The following RASEF variants were observed in gnomAD, a reference collection of about 807,000 sequenced individuals.
RASEF encodes the protein ras and EF-hand domain-containing protein.
A neutral mutation model predicts 90.1 loss-of-function variants in RASEF; 68 were observed. The observed-to-expected ratio is 0.75, with a 90% CI of 0.62 to 0.92. The LOEUF (loss-of-function observed/expected upper bound fraction) is 0.92. Among genes scored for constraint, RASEF ranks in the 40% least tolerant of loss-of-function variants. RASEF has a pLI of 0.00. For missense variants in RASEF, 949 were observed against 937.2 expected (o/e 1.01, Z -0.16); for synonymous variants, 331 against 345.2 (o/e 0.96, Z 0.46).
intron 16 of RASEF, among the ~76,000 whole-genome samples, chr9:82,986,472 A>T (rs978759665): frequency 6.6e-6 from 1 of 152,268 alleles, no homozygotes; most frequent in Non-Finnish European, 1.5e-5. Context: ...AGTGCCAATA[A>T]TGCAGACATT....
At chr9:83,217,841 G>T in the RASEF span, among the ~76,000 whole-genome samples, 1 of 152,224 alleles carries the variant, frequency 6.6e-6, no homozygotes, top group East Asian at 1.9e-4. Context: ...TCACGGTACA[G>T]GAATAAAGGG....
the RASEF span, among the ~76,000 whole-genome samples, chr9:83,188,934 CA>C: frequency 6.6e-6 from 1 of 152,182 alleles, no homozygotes; most frequent in Non-Finnish European, 1.5e-5. Context: ...AGACCCCAGC[CA>C]CAGTTCTGTG....
chr9:83,108,231 T>C, the RASEF span, among the ~76,000 whole-genome samples: 1 of 152,170 alleles, frequency 6.6e-6, no homozygotes, highest in African/African-American at 2.4e-5. Flanking sequence ...TTGTGAATTA[T>C]ACCTCAATAA....
the RASEF span, among the ~76,000 whole-genome samples, chr9:83,185,021 G>A: frequency 6.6e-6 from 1 of 152,080 alleles, no homozygotes; most frequent in Non-Finnish European, 1.5e-5. Flanking sequence ...GGTGGGGCCA[G>A]AAATCTGTTT....
the RASEF span, among the ~76,000 whole-genome samples, chr9:83,157,763 T>C: frequency 6.6e-6 from 1 of 152,206 alleles, no homozygotes; most frequent in Non-Finnish European, 1.5e-5. Context: ...AAGCACATAT[T>C]TGATAAAAAC....
At chr9:83,058,172 C>CTTTTT (rs555842009) in intron 1 of RASEF, among the ~76,000 whole-genome samples, 16 of 57,898 alleles carry the variant, frequency 2.8e-4, no homozygotes, top group Non-Finnish European at 3.3e-4. Flanking sequence ...GTATTTATGT[C>CTTTTT]TTTTTTTTTT....
the RASEF span, among the ~76,000 whole-genome samples, chr9:83,149,699 A>C: frequency 1.8e-4 from 28 of 152,310 alleles, no homozygotes; most frequent in Non-Finnish European, 2.8e-4. Flanking sequence ...TGAAGCTGCA[A>C]CACTGCACCA....
At chr9:83,145,022 G>T in the RASEF span, among the ~76,000 whole-genome samples, 1 of 152,034 alleles carries the variant, frequency 6.6e-6, no homozygotes, top group African/African-American at 2.4e-5. Context: ...ATGTTTCTAG[G>T]ATTAGTCCAT....
chr9:83,130,265 G>A, the RASEF span, among the ~76,000 whole-genome samples: 2 of 152,140 alleles, frequency 1.3e-5, no homozygotes, highest in Admixed American at 1.3e-4. Flanking sequence ...TCTTTTTAGA[G>A]CTGTTTTAGT....
chr9:83,004,616 T>C, intron 8 of RASEF, 30 bp from the exon 9 acceptor site: 1 of 1,358,464 alleles, frequency 7.4e-7, no homozygotes, highest in Non-Finnish European at 1.1e-6. Context: ...ATTTGTTAGT[T>C]CATGTAATTT....
At chr9:83,159,354 A>C in the RASEF span, among the ~76,000 whole-genome samples, 2 of 152,182 alleles carry the variant, frequency 1.3e-5, no homozygotes, top group African/African-American at 2.4e-5. Context: ...AAGTCCCCTA[A>C]GTTTTGGTTT....
At chr9:83,074,553 G>A in the RASEF span, among the ~76,000 whole-genome samples, 1 of 152,080 alleles carries the variant, frequency 6.6e-6, no homozygotes, top group East Asian at 1.9e-4. Flanking sequence ...TGGTTTTTAT[G>A]TTTAAAAAAA....
At chr9:83,076,354 G>C in the RASEF span, among the ~76,000 whole-genome samples, 1 of 151,490 alleles carries the variant, frequency 6.6e-6, no homozygotes, top group Non-Finnish European at 1.5e-5. Flanking sequence ...GATTCCTAAT[G>C]ATATTACATG....
chr9:83,097,683 A>C, the RASEF span, among the ~76,000 whole-genome samples: 8 of 152,220 alleles, frequency 5.3e-5, no homozygotes, highest in Admixed American at 6.5e-5. Context: ...AGAGAAATGC[A>C]AATCAAAACC....
chr9:83,200,352 T>A, the RASEF span, among the ~76,000 whole-genome samples: 8 of 152,068 alleles, frequency 5.3e-5, no homozygotes, highest in African/African-American at 7.2e-5. Context: ...GCCAAGATCA[T>A]GCCATTGCAC....
intron 1 of RASEF, among the ~76,000 whole-genome samples, chr9:83,044,809 A>G (rs114115719): frequency 0.011 from 1,677 of 152,244 alleles, 33 homozygotes; most frequent in African/African-American, 0.038. Flanking sequence ...CTGTGAAGGT[A>G]CTCTGTACAT....
chr9:82,988,113 T>C (rs147415597), intron 16 of RASEF, among the ~76,000 whole-genome samples: 192 of 152,350 alleles, frequency 1.3e-3, no homozygotes, highest in African/African-American at 4.5e-3. Flanking sequence ...CAGCAACTTA[T>C]GAATGAAACA....
the RASEF span, among the ~76,000 whole-genome samples, chr9:83,152,737 C>T: frequency 1.1e-4 from 6 of 52,854 alleles, no homozygotes; most frequent in South Asian, 5.9e-4. Context: ...GACACACATA[C>T]ACACACACAC....
the RASEF span, among the ~76,000 whole-genome samples, chr9:83,211,525 A>C: frequency 6.6e-6 from 1 of 152,204 alleles, no homozygotes; most frequent in Non-Finnish European, 1.5e-5. Flanking sequence ...GAAACCAAGA[A>C]CATTTCATCT....
Sources: gnomAD v4.1 joint callset for allele counts (sites outside exome capture counted in the v4.1 genomes callset) on GRCh38, gnomAD v4.1.1 for gene constraint, MANE v1.5 for transcripts, NCBI Gene and HGNC (gene_info 2026-07-23, HGNC 2026-07-21) for gene names.